The following TLE4 variants were observed in gnomAD, a reference collection of about 807,000 sequenced individuals.
TLE4 encodes the protein transducin-like enhancer protein 4.
TLE4 carries 8 observed loss-of-function variants against 92.8 expected under a neutral mutation model. That is an observed-to-expected ratio of 0.09 (90% confidence interval 0.05 to 0.16). TLE4 has a LOEUF of 0.16. Ranked by LOEUF, TLE4 falls within the 10% of genes least tolerant of loss-of-function variation. The pLI is 1.00. For synonymous variants in TLE4, 371 were observed against 374.1 expected (o/e 0.99, Z 0.10); for missense variants, 675 against 997.6 (o/e 0.68, Z 4.36).
intron 8 of TLE4, among the ~76,000 whole-genome samples, chr9:79,666,994 G>C (rs1175528811): frequency 6.6e-6 from 1 of 152,200 alleles, no homozygotes; most frequent in African/African-American, 2.4e-5. Context: ...AAATTCTCAG[G>C]CACTTTGGAG....
At chr9:79,695,363 A>ACACG (rs2068005929) in intron 8 of TLE4, among the ~76,000 whole-genome samples, 1 of 152,058 alleles carries the variant, frequency 6.6e-6, no homozygotes, top group Non-Finnish European at 1.5e-5. Flanking sequence ...ACACACACAC[A>ACACG]CACACACACA....
intron 8 of TLE4, among the ~76,000 whole-genome samples, chr9:79,679,056 A>G (rs986959184): frequency 4.0e-5 from 6 of 151,722 alleles, no homozygotes; most frequent in Non-Finnish European, 7.4e-5. Context: ...AGTCTTTGCT[A>G]TTGTGAATAG....
intron 8 of TLE4, among the ~76,000 whole-genome samples, chr9:79,658,995 G>A (rs1470570307): frequency 6.6e-6 from 1 of 152,148 alleles, no homozygotes; most frequent in African/African-American, 2.4e-5. Context: ...GGAAAAATAA[G>A]GTGGGTCCAC....
chr9:79,600,369 T>G (rs978815413), intron 4 of TLE4, among the ~76,000 whole-genome samples: 1 of 152,188 alleles, frequency 6.6e-6, no homozygotes, highest in Non-Finnish European at 1.5e-5. Flanking sequence ...GACTTGTTTT[T>G]TCTGATTTCT....
intron 8 of TLE4, among the ~76,000 whole-genome samples, chr9:79,698,273 C>G (rs2068801902): frequency 6.6e-6 from 1 of 152,190 alleles, no homozygotes; most frequent in African/African-American, 2.4e-5. Context: ...TGCCTCTCTT[C>G]TGTTATTCTT....
chr9:79,690,488 A>T (rs1564941025), intron 8 of TLE4, among the ~76,000 whole-genome samples: 1 of 152,226 alleles, frequency 6.6e-6, no homozygotes, highest in Non-Finnish European at 1.5e-5. Context: ...ATCAGTAGTT[A>T]TGAAGTTCCT....
At chr9:79,599,338 T>G (rs1237034229) in intron 4 of TLE4, among the ~76,000 whole-genome samples, 3 of 152,324 alleles carry the variant, frequency 2.0e-5, no homozygotes, top group South Asian at 2.1e-4. Flanking sequence ...CAATCCTGCC[T>G]GCACATTAGA....
At chr9:79,644,695 T>C (rs1357072020) in intron 6 of TLE4, among the ~76,000 whole-genome samples, 3 of 152,236 alleles carry the variant, frequency 2.0e-5, no homozygotes, top group African/African-American at 7.2e-5. Context: ...CCAAGGAGTA[T>C]GGCTACCAGC....
intron 19 of TLE4, 151 bp downstream of exon 19, chr9:79,723,186 T>A: frequency 1.3e-6 from 1 of 741,632 alleles, no homozygotes; most frequent in Non-Finnish European, 2.2e-6. Context: ...CAAGGAGAGG[T>A]TAAGTGTCAC....
chr9:79,620,612 G>A (rs1409471323), intron 5 of TLE4, among the ~76,000 whole-genome samples: 1 of 152,180 alleles, frequency 6.6e-6, no homozygotes, highest in African/African-American at 2.4e-5. Context: ...AGTTTACCGG[G>A]TATTTGCCAA....
At chr9:79,696,629 CA>C (rs1255670707) in intron 8 of TLE4, among the ~76,000 whole-genome samples, 1 of 151,724 alleles carries the variant, frequency 6.6e-6, no homozygotes, top group Non-Finnish European at 1.5e-5. Flanking sequence ...TTTAGCCTTT[CA>C]AATAGATTAA....
At chr9:79,671,995 CTTTTTTTTTTTTTTTTT>C (rs773064446) in intron 8 of TLE4, among the ~76,000 whole-genome samples, 10 of 33,718 alleles carry the variant, frequency 3.0e-4, no homozygotes, top group African/African-American at 1.2e-3. Context: ...AAACAAAACA[CTTTTTTTTTTTTTTTTT>C]TTTTTTTTTT....
At position 79,572,681 on chromosome 9, in the gene TLE4, C is replaced by T. The variant is rs1474844682; in HGVS notation, c.-110C>T. 9.9e-6 allele frequency: 11 copies of T among 1,116,742 alleles called. No homozygotes were observed. The highest frequency in any genetic ancestry group is 1.4e-5 in the Non-Finnish European group (11 of 779,722). 69.2% of individuals were successfully genotyped at this position (1,116,742 alleles called of 1,614,324 possible). A position where few individuals can be genotyped will look rare whatever the true frequency, so the allele number is the denominator to read the frequency against. On this transcript the variant is annotated 5_prime_UTR_variant, in exon 1 of 20. Transcript: ENST00000376552. ...CGGGGGCCGGGACCGCCCGAGCCGC[C>T]CCTCAGACCGAGCCGGCCGCCTCCG...
chr9:79,723,280 T>A (rs1248681470), intron 19 of TLE4, among the ~76,000 whole-genome samples: 2 of 152,254 alleles, frequency 1.3e-5, no homozygotes, highest in African/African-American at 4.8e-5. Context: ...CACTGTTGCT[T>A]CATCATCAAT....
chr9:79,726,465 A>G lies in TLE4; in HGVS notation c.*1321A>G, dbSNP rs1212688614. Reference sequence around the variant, plus strand: ...TACTTTATTGTATAAGTAGAAAATTACTTAATTTCATACTAGAAATGGATG... The same window carrying G: ...TACTTTATTGTATAAGTAGAAAATTGCTTAATTTCATACTAGAAATGGATG... On this transcript the variant is annotated 3_prime_UTR_variant, in exon 20 of 20. Coordinates refer to ENST00000376552, the MANE Select transcript of TLE4 (RefSeq NM_007005.6). 6.6e-6 allele frequency: 1 copy of G among 152,640 alleles called. No homozygotes were observed. Among genetic ancestry groups the G allele is most frequent in the Non-Finnish European group, 1.5e-5 (1 of 68,050 alleles). 9.5% of individuals were successfully genotyped at this position (152,640 alleles called of 1,614,324 possible).
chr9:79,595,650 A>C (rs1047643962), intron 4 of TLE4, among the ~76,000 whole-genome samples: 2 of 152,154 alleles, frequency 1.3e-5, no homozygotes, highest in African/African-American at 2.4e-5. Flanking sequence ...AAAGATAAGA[A>C]TCAAATTCAA....
chr9:79,586,224 G>A (rs928406737), intron 4 of TLE4, among the ~76,000 whole-genome samples: 5 of 151,962 alleles, frequency 3.3e-5, no homozygotes, highest in African/African-American at 4.8e-5. Flanking sequence ...TTAACTGGGC[G>A]TGGTGGCGCA....
intron 4 of TLE4, among the ~76,000 whole-genome samples, chr9:79,581,560 C>T (rs541805347): frequency 6.6e-6 from 1 of 152,344 alleles, no homozygotes; most frequent in Non-Finnish European, 1.5e-5. Context: ...CTGGCTTGCG[C>T]TTACCACTGG....
In TLE4 at chr9:79,720,027, A is replaced by C; in HGVS notation, c.1591-19A>C. 6.3e-7 allele frequency: 1 copy of C among 1,585,504 alleles called. No homozygotes were observed. Among genetic ancestry groups the C allele is most frequent in the Non-Finnish European group, 8.6e-7 (1 of 1,159,048 alleles). On this transcript the variant is annotated intron_variant, in intron 15 of 19. Coordinates refer to ENST00000376552, the MANE Select transcript of TLE4 (RefSeq NM_007005.6). The stretch of plus-strand genomic sequence containing the variant: ...TCCTTTCCTCATGAGTAATCTCTTG[A>C]TGGTTTTTGTCTCTACAGAACAGGG...
Sources: gnomAD v4.1 joint callset for allele counts (sites outside exome capture counted in the v4.1 genomes callset) on GRCh38, gnomAD v4.1.1 for gene constraint, MANE v1.5 for transcripts, NCBI Gene and HGNC (gene_info 2026-07-23, HGNC 2026-07-21) for gene names.